UBAC2: variants seen among roughly 807,000 people sequenced by gnomAD.
UBAC2 encodes UBA domain containing 2.
A neutral mutation model predicts 44.0 loss-of-function variants in UBAC2; 26 were observed. The ratio of observed to expected loss-of-function variants is 0.59; its 90% confidence interval spans 0.43 to 0.82. The LOEUF (loss-of-function observed/expected upper bound fraction) is 0.82. Ranked by LOEUF, UBAC2 falls within the 40% of genes least tolerant of loss-of-function variation. UBAC2 has a pLI of 0.00. For synonymous variants in UBAC2, 155 were observed against 154.3 expected, an observed-to-expected ratio of 1.00 and a Z score of -0.04; for missense variants, 329 against 419.4, an observed-to-expected ratio of 0.78 and a Z score of 1.88.
chr13:99,297,753 C>T (rs993334099), intron 4 of UBAC2, among the ~76,000 whole-genome samples: 1 of 151,452 alleles, frequency 6.6e-6, no homozygotes, highest in African/African-American at 2.4e-5. Context: ...TGTGTCACAA[C>T]AAACTTAAAT....
intron 4 of UBAC2, among the ~76,000 whole-genome samples, chr13:99,280,831 CT>C (rs67614616): frequency 0.41 from 38,022 of 93,272 alleles, 5,940 homozygotes; most frequent in Non-Finnish European, 0.52. Flanking sequence ...TCTTCTTTCC[CT>C]CTCTCTCTCT....
chr13:99,358,452 A>C (rs2045219345), intron 7 of UBAC2, among the ~76,000 whole-genome samples: 1 of 152,238 alleles, frequency 6.6e-6, no homozygotes, highest in African/African-American at 2.4e-5. Context: ...AGATTTGCAA[A>C]AATGGAAAAC....
chr13:99,341,368 T>A (rs989253941), intron 7 of UBAC2, among the ~76,000 whole-genome samples: 1 of 140,072 alleles, frequency 7.1e-6, no homozygotes, highest in African/African-American at 2.7e-5. Flanking sequence ...TGAAATCAGG[T>A]TTGAGGTCCT....
intron 7 of UBAC2, among the ~76,000 whole-genome samples, chr13:99,362,315 C>G (rs146942965): frequency 1.2e-3 from 179 of 152,190 alleles, no homozygotes; most frequent in African/African-American, 4.2e-3. Flanking sequence ...CATTTTCTTA[C>G]TTAATATTAC....
At chr13:99,302,656 G>A (rs923111510) in intron 4 of UBAC2, among the ~76,000 whole-genome samples, 3 of 152,210 alleles carry the variant, frequency 2.0e-5, no homozygotes, top group Non-Finnish European at 1.5e-5. Context: ...GATTATGGGT[G>A]TTGTTTGCCT....
At chr13:99,250,425 G>C (rs1389782135) in intron 4 of UBAC2, among the ~76,000 whole-genome samples, 1 of 152,124 alleles carries the variant, frequency 6.6e-6, no homozygotes, top group Non-Finnish European at 1.5e-5. Context: ...CTGTATGTCT[G>C]TTTTTGTACC....
intron 4 of UBAC2, among the ~76,000 whole-genome samples, chr13:99,260,854 A>G (rs1309157479): frequency 3.9e-5 from 6 of 152,190 alleles, no homozygotes; most frequent in African/African-American, 9.7e-5. Flanking sequence ...AGAGACTGCA[A>G]GATTCCCTTT....
intron 4 of UBAC2, chr13:99,255,624 TG>T (rs1566471265): frequency 6.2e-7 from 1 of 1,614,124 alleles, no homozygotes; most frequent in South Asian, 1.1e-5. Context: ...ATTCATCTTT[TG>T]CATAATAAAA....
chr13:99,242,996 G>A (rs901013823), intron 2 of UBAC2, among the ~76,000 whole-genome samples: 2 of 149,846 alleles, frequency 1.3e-5, no homozygotes, highest in Admixed American at 6.6e-5. Context: ...ATGGGATGGC[G>A]GCCGGGCAGA....
At chr13:99,233,115 CT>C (rs762104839) in intron 1 of UBAC2, among the ~76,000 whole-genome samples, 119 of 143,086 alleles carry the variant, frequency 8.3e-4, no homozygotes, top group Non-Finnish European at 7.8e-4. Flanking sequence ...GATTTGGTTT[CT>C]TTTTTTTTTT....
intron 1 of UBAC2, among the ~76,000 whole-genome samples, chr13:99,226,983 G>A (rs1400184114): frequency 6.6e-6 from 1 of 152,170 alleles, no homozygotes; most frequent in East Asian, 1.9e-4. Context: ...TGGATCACCT[G>A]AGGCCAGGAG....
chr13:99,340,901 G>A (rs1465128481), intron 7 of UBAC2, among the ~76,000 whole-genome samples: 2 of 152,276 alleles, frequency 1.3e-5, no homozygotes, highest in South Asian at 4.1e-4. Context: ...GTGTCTTCCT[G>A]TTAAAATGCT....
At position 99,242,776 on chromosome 13, in the gene UBAC2, C is replaced by G. The variant is rs9557183; in HGVS notation, c.160-1056C>G. On this transcript the variant is annotated intron_variant, in intron 2 of 8. Coordinates refer to ENST00000403766, the MANE Select transcript of UBAC2 (RefSeq NM_001144072.2). Reference sequence around the variant, plus strand: ...GGACGGGGTGGCTGCCGGGCGGAGACGCTCCTCACTTCCCAGACGGGGTGG... The same window carrying G: ...GGACGGGGTGGCTGCCGGGCGGAGAGGCTCCTCACTTCCCAGACGGGGTGG... Among the ~76,000 whole-genome samples the G allele has an allele frequency of 9.4e-4, 15 of 15,976 alleles. 1 individual carries two copies. The highest frequency in any genetic ancestry group is 2.6e-3 in the South Asian group (1 of 384). The allele number at this position is 15,976 out of a possible 152,430, so 10.5% of individuals were successfully genotyped here. A position where few individuals can be genotyped will look rare whatever the true frequency, so the allele number is the denominator to read the frequency against.
At chr13:99,266,566 A>G (rs1046255669) in intron 4 of UBAC2, among the ~76,000 whole-genome samples, 4 of 152,118 alleles carry the variant, frequency 2.6e-5, no homozygotes, top group Non-Finnish European at 5.9e-5. Context: ...TCTCTGTAGG[A>G]CTATGTGTAT....
chr13:99,382,518 C>G (rs1020607760), intron 8 of UBAC2, among the ~76,000 whole-genome samples: 4 of 152,214 alleles, frequency 2.6e-5, no homozygotes, highest in Admixed American at 1.3e-4. Context: ...GGGCAGTGGC[C>G]TCACTGCCCT....
chr13:99,354,454 G>A (rs183479692), intron 7 of UBAC2, among the ~76,000 whole-genome samples: 45 of 152,320 alleles, frequency 3.0e-4, no homozygotes, highest in Non-Finnish European at 5.9e-5. Context: ...CCCAGACTCA[G>A]GGTTTTATTC....
At chr13:99,219,442 T>C (rs1405002215) in intron 1 of UBAC2, among the ~76,000 whole-genome samples, 1 of 152,218 alleles carries the variant, frequency 6.6e-6, no homozygotes, top group Non-Finnish European at 1.5e-5. Flanking sequence ...TTGCAGAACA[T>C]TTTATCACGC....
intron 4 of UBAC2, among the ~76,000 whole-genome samples, chr13:99,260,684 A>C (rs903163182): frequency 9.2e-5 from 14 of 152,222 alleles, no homozygotes; most frequent in Non-Finnish European, 1.5e-5. Context: ...TAATGTAGAC[A>C]CAAGTTTCTT....
chr13:99,343,486 C>T (rs2044925425), intron 7 of UBAC2, among the ~76,000 whole-genome samples: 1 of 152,242 alleles, frequency 6.6e-6, no homozygotes. Flanking sequence ...CACCAGGCGC[C>T]TGTGAAGTGG....
Sources: allele counts gnomAD v4.1 joint callset (sites outside exome capture counted in the v4.1 genomes callset), GRCh38; gene constraint gnomAD v4.1.1; transcripts MANE v1.5; gene names NCBI Gene and HGNC (gene_info 2026-07-23, HGNC 2026-07-21).